The following NEK9 variants were observed in gnomAD, a reference collection of about 807,000 sequenced individuals.
The protein encoded by NEK9 is serine/threonine-protein kinase Nek9.
Under a neutral mutation model 123.4 loss-of-function variants are expected in NEK9, and 75 were observed. The observed-to-expected ratio is 0.61, with a 90% CI of 0.50 to 0.74. The LOEUF is 0.74. Among genes scored for constraint, NEK9 ranks in the 30% least tolerant of loss-of-function variants. The probability of loss-of-function intolerance (pLI) is 0.00; values close to 1 mark genes in which losing one functional copy is unlikely to be tolerated. For missense variants in NEK9, 952 were observed against 1,214.4 expected (o/e 0.78, Z 3.21); for synonymous variants, 438 against 458.7 (o/e 0.95, Z 0.58).
chr14:75,101,462 G>A (rs976004163), intron 15 of NEK9, among the ~76,000 whole-genome samples, 195 bp downstream of exon 15: 8 of 152,146 alleles, frequency 5.3e-5, no homozygotes, highest in Non-Finnish European at 1.2e-4. Context: ...TAGGTGTGGT[G>A]TTCTCATAAA....
intron 2 of NEK9, 28 bp downstream of exon 2, chr14:75,124,018 G>A: frequency 6.3e-7 from 1 of 1,579,714 alleles, no homozygotes; most frequent in Non-Finnish European, 8.7e-7. Flanking sequence ...AAGTCTTGCT[G>A]GAAAAGTCCC....
chr14:75,124,236 A>T lies in NEK9; in HGVS notation c.220-13T>A, dbSNP rs1296617082. Reference sequence around the variant, plus strand: ...CCAGTGAGTCATCCTAAACACAGTAACAGAGGTATCGTGCTTTTCCTCTTG... The same window carrying T: ...CCAGTGAGTCATCCTAAACACAGTATCAGAGGTATCGTGCTTTTCCTCTTG... On this transcript the variant is annotated splice_polypyrimidine_tract_variant and intron_variant, in intron 1 of 21. Coordinates refer to ENST00000238616, the MANE Select transcript of NEK9 (RefSeq NM_033116.6). 15 of 1,609,118 alleles carry T rather than the reference A, an allele frequency of 9.3e-6. No homozygotes were observed. The highest frequency in any genetic ancestry group is 1.2e-5 in the Non-Finnish European group (14 of 1,175,882).
chr14:75,111,684 A>T (rs1244065019), intron 8 of NEK9, among the ~76,000 whole-genome samples: 1 of 152,198 alleles, frequency 6.6e-6, no homozygotes, highest in African/African-American at 2.4e-5. Context: ...TGAGGTCAGG[A>T]GTTCGAGACT....
rs776395642 is a variant in NEK9, at chr14:75,118,809, TAAGAC to T, written c.630+16_630+20del. ...CAGTGCTAGAAAATAAAATAAAAAT[TAAGAC>T]AAGGGCAACACATACCGTCTCAGCC... On this transcript the variant is annotated intron_variant, in intron 5 of 21. Transcript: ENST00000238616. 7.5e-7 allele frequency: 1 copy of T among 1,329,944 alleles called. No individual in the cohort carries two copies. Among genetic ancestry groups the T allele is most frequent in the South Asian group, 1.2e-5 (1 of 82,646 alleles). 82.4% of individuals were successfully genotyped at this position (1,329,944 alleles called of 1,614,324 possible). A position where few individuals can be genotyped will look rare whatever the true frequency, so the allele number is the denominator to read the frequency against.
At chr14:75,126,632 G>A (rs1895536752) in intron 1 of NEK9, 71 bp downstream of exon 1, 1 of 1,224,276 alleles carries the variant, frequency 8.2e-7, no homozygotes, top group Non-Finnish European at 1.1e-6. Context: ...CTGGGAAAGC[G>A]GGGCCGAGAA....
At chr14:75,120,452 C>A in intron 4 of NEK9, 58 bp downstream of exon 4, 1 of 1,200,200 alleles carries the variant, frequency 8.3e-7, no homozygotes, top group South Asian at 1.3e-5. Context: ...GGGGGGTATC[C>A]ACGGTAGGGG....
rs1893867802 is a variant in NEK9, at chr14:75,081,496, C to T, written c.*3068G>A. On this transcript the variant is annotated 3_prime_UTR_variant, in exon 22 of 22. Transcript: ENST00000238616. The surrounding 1 kb of genome is among the most constrained non-coding windows in gnomAD (Gnocchi z 4.2). ...GCAGTTAGGAACATGTTTTATAGTCCTGATTATAGCCCACTCTGCCCTGAC... is the reference window on the plus strand; with the variant it reads ...GCAGTTAGGAACATGTTTTATAGTCTTGATTATAGCCCACTCTGCCCTGAC... The T allele has an allele frequency of 1.3e-5, 2 of 152,098 alleles. No homozygotes were observed. The highest frequency in any genetic ancestry group is 4.8e-5 in the African/African-American group (2 of 41,412). The allele number at this position is 152,098 out of a possible 1,614,324, so 9.4% of individuals were successfully genotyped here.
rs138101635 is a variant in NEK9 at position 75,117,748 on chromosome 14, G to A, written c.631-422C>T. ...GAATTAGATGTTCTAACTAAAATAC[G>A]CGCAATGAAACTTTTAAAATGCCCA... On this transcript the variant is annotated intron_variant, in intron 5 of 21. Coordinates refer to ENST00000238616, the MANE Select transcript of NEK9 (RefSeq NM_033116.6). 4.6e-5 allele frequency among the ~76,000 whole-genome samples: 7 copies of A among 152,292 alleles called. No homozygotes were observed. The South Asian group carries it at 1.0e-3, about 23-fold the overall frequency.
Position 75,103,842 on chromosome 14 carries a change from T to C in NEK9, c.1731A>G (p.Glu577=), listed in dbSNP as rs755700688. 3.1e-6 allele frequency: 5 copies of C among 1,610,198 alleles called. No individual in the cohort carries two copies. In the Admixed American group the frequency reaches 8.5e-5, roughly 27 times the overall value. The change falls in exon 14 of 22, where the codon GAA becomes GAG. Residue 577 remains glutamate (E), a splice_region_variant and synonymous_variant. Transcript: ENST00000238616. ...TTAGAACACCAATCAGGACACTCAC[T>C]TCATGGTTGATAATTCCCGACATGC... ...NQCMSGIINH[E]AYHEVPYTTS...
chr14:75,105,846 C>T lies in NEK9; in HGVS notation c.1575+104G>A, dbSNP rs138294188. ...TCAGTCTCCCAAACAGGAAACACTTCGGAAATAAATACCTTGATACAACAG... is the reference window on the plus strand; with the variant it reads ...TCAGTCTCCCAAACAGGAAACACTTTGGAAATAAATACCTTGATACAACAG... On this transcript the variant is annotated intron_variant, in intron 13 of 21. Transcript: ENST00000238616. The T allele has an allele frequency of 7.1e-5, 64 of 898,956 alleles. No homozygotes were observed. The African/African-American group carries it at 8.4e-4, about 12-fold the overall frequency. 55.7% of individuals were successfully genotyped at this position (898,956 alleles called of 1,614,324 possible). A position where few individuals can be genotyped will look rare whatever the true frequency, so the allele number is the denominator to read the frequency against.
At chr14:75,109,542 C>G (rs1409155574) in intron 10 of NEK9, 143 bp downstream of exon 10, 2 of 699,084 alleles carry the variant, frequency 2.9e-6, no homozygotes, top group East Asian at 5.7e-5. Context: ...GACAAAATCC[C>G]TGCTCTTATA....
chr14:75,109,611 A>C (rs1233628191), intron 10 of NEK9, 74 bp downstream of exon 10: 1 of 1,371,300 alleles, frequency 7.3e-7, no homozygotes, highest in African/African-American at 1.5e-5. Flanking sequence ...CAACTAATAA[A>C]ATGCTTAGAC....
chr14:75,117,659 T>G (rs527935038), intron 5 of NEK9, among the ~76,000 whole-genome samples: 4 of 152,084 alleles, frequency 2.6e-5, no homozygotes, highest in African/African-American at 9.7e-5. Flanking sequence ...ACATACTTAG[T>G]AGAAGTTCAC....
At chr14:75,112,554 T>A (rs1050297059) in intron 8 of NEK9, among the ~76,000 whole-genome samples, 2 of 152,236 alleles carry the variant, frequency 1.3e-5, no homozygotes, top group Non-Finnish European at 2.9e-5. Context: ...CTGGGCATAG[T>A]GTCTCATGCC....
chr14:75,101,208 GA>G (rs1894568334), intron 15 of NEK9, 55 bp from the exon 16 acceptor site: 2 of 1,546,258 alleles, frequency 1.3e-6, no homozygotes, highest in South Asian at 2.4e-5. Context: ...GGAACCCAGA[GA>G]AGATGCAGCC....
intron 6 of NEK9, 29 bp downstream of exon 6, chr14:75,117,166 T>C (rs761877436): frequency 2.5e-6 from 4 of 1,605,380 alleles, no homozygotes; most frequent in East Asian, 2.2e-5. Flanking sequence ...ACCTGCTAAA[T>C]GCAATATGGG....
chr14:75,101,960 C>T (rs890164116), intron 14 of NEK9, among the ~76,000 whole-genome samples, 195 bp from the exon 15 acceptor site: 3 of 152,196 alleles, frequency 2.0e-5, no homozygotes, highest in African/African-American at 7.2e-5. Flanking sequence ...TCAGAGAATG[C>T]AGCACATGAG....
intron 2 of NEK9, among the ~76,000 whole-genome samples, chr14:75,123,199 G>A (rs979012539): frequency 6.6e-6 from 1 of 152,024 alleles, no homozygotes; most frequent in African/African-American, 2.4e-5. Context: ...TCAGGAGTTC[G>A]AGACCAGTCT....
chr14:75,115,480 A>G (rs1286352995), intron 6 of NEK9, among the ~76,000 whole-genome samples: 4 of 152,212 alleles, frequency 2.6e-5, no homozygotes. Flanking sequence ...ATACTAGAAC[A>G]ACCTTCAGGA....
Sources: gnomAD v4.1 joint callset for allele counts (sites outside exome capture counted in the v4.1 genomes callset) on GRCh38, gnomAD v4.1.1 for gene constraint, Gnocchi (gnomAD v3.1) non-coding constraint, MANE v1.5 for transcripts, NCBI Gene and HGNC (gene_info 2026-07-23, HGNC 2026-07-21) for gene names.